BICD1: variants seen among roughly 807,000 people sequenced by gnomAD.
BICD1 encodes protein bicaudal D homolog 1.
Under a neutral mutation model 92.5 loss-of-function variants are expected in BICD1, and 35 were observed. The observed-to-expected ratio is 0.38, with a 90% confidence interval of 0.29 to 0.50. The LOEUF (loss-of-function observed/expected upper bound fraction) is 0.50. BICD1 is among the 20% of genes least tolerant of loss of function. The pLI is 0.93. For missense variants in BICD1, 950 were observed against 1,189.8 expected (o/e 0.80, Z 2.97); for synonymous variants, 429 against 465.1 (o/e 0.92, Z 1.00).
intron 1 of BICD1, among the ~76,000 whole-genome samples, chr12:32,113,943 C>T (rs1006734634): frequency 1.3e-5 from 2 of 152,018 alleles, no homozygotes; most frequent in Non-Finnish European, 2.9e-5. Context: ...GCAATCTCGG[C>T]TTACTGCAAC....
At chr12:32,358,332 C>G (rs1020285341) in intron 8 of BICD1, among the ~76,000 whole-genome samples, 1 of 151,926 alleles carries the variant, frequency 6.6e-6, no homozygotes, top group Non-Finnish European at 1.5e-5. Context: ...AACTCCTGAA[C>G]TGAAGCTATC....
At chr12:32,240,577 C>G (rs74936890) in intron 2 of BICD1, among the ~76,000 whole-genome samples, 7,345 of 152,236 alleles carry the variant, frequency 0.048, 296 homozygotes, top group East Asian at 0.21. Context: ...TTAGGGTCTA[C>G]CTTGCTAATT....
chr12:32,203,282 G>A (rs1944957561), intron 1 of BICD1, among the ~76,000 whole-genome samples: 1 of 152,192 alleles, frequency 6.6e-6, no homozygotes, highest in South Asian at 2.1e-4. Context: ...GACCTTGGAG[G>A]AGGGAAGGAT....
intron 3 of BICD1, among the ~76,000 whole-genome samples, chr12:32,296,044 G>C (rs1009846244): frequency 2.0e-5 from 3 of 151,976 alleles, no homozygotes; most frequent in Non-Finnish European, 4.4e-5. Flanking sequence ...ATCAAAAAAG[G>C]GCTACTGGAG....
chr12:32,316,593 G>A (rs11536026), intron 4 of BICD1, among the ~76,000 whole-genome samples: 29,387 of 151,914 alleles, frequency 0.19, 3,697 homozygotes, highest in East Asian at 0.58. Context: ...GAGCCAATGC[G>A]CCTGGCCATA....
intron 4 of BICD1, among the ~76,000 whole-genome samples, chr12:32,316,712 T>A (rs931229891): frequency 2.0e-5 from 3 of 152,136 alleles, no homozygotes; most frequent in African/African-American, 7.2e-5. Flanking sequence ...TTTTTAAAAT[T>A]TTATTATTAT....
intron 9 of BICD1, among the ~76,000 whole-genome samples, chr12:32,373,152 C>T (rs1407853797): frequency 6.6e-6 from 1 of 152,046 alleles, no homozygotes; most frequent in African/African-American, 2.4e-5. Context: ...CTAAACTTGC[C>T]ATTTACAACA....
intron 2 of BICD1, among the ~76,000 whole-genome samples, chr12:32,239,855 G>A (rs1592536824): frequency 3.3e-5 from 5 of 151,894 alleles, no homozygotes; most frequent in Admixed American, 3.3e-4. Context: ...TGATCTGCCC[G>A]CCTCATCCTC....
intron 1 of BICD1, among the ~76,000 whole-genome samples, chr12:32,212,494 G>A (rs540725580): frequency 3.9e-5 from 6 of 152,092 alleles, no homozygotes; most frequent in East Asian, 1.9e-4. Flanking sequence ...GCATGATCTC[G>A]GCTCACTGCA....
At chr12:32,215,731 C>T (rs977286245) in intron 1 of BICD1, among the ~76,000 whole-genome samples, 6 of 151,766 alleles carry the variant, frequency 4.0e-5, no homozygotes, top group Non-Finnish European at 7.4e-5. Context: ...GGGCGGATCA[C>T]AAGGTCAGGG....
intron 2 of BICD1, among the ~76,000 whole-genome samples, chr12:32,260,541 A>G (rs1387205616): frequency 6.6e-6 from 1 of 152,202 alleles, no homozygotes; most frequent in Non-Finnish European, 1.5e-5. Context: ...AGATATGCAT[A>G]TACATATACA....
At chr12:32,282,202 CTTTTTTTTTT>C (rs56217529) in intron 2 of BICD1, among the ~76,000 whole-genome samples, 4 of 94,230 alleles carry the variant, frequency 4.2e-5, no homozygotes, top group Non-Finnish European at 6.0e-5. Context: ...AGGTCTTCTT[CTTTTTTTTTT>C]TTTTTTTTTT....
At chr12:32,242,244 G>T (rs1214418481) in intron 2 of BICD1, among the ~76,000 whole-genome samples, 6 of 114,312 alleles carry the variant, frequency 5.2e-5, no homozygotes, top group African/African-American at 9.6e-5. Flanking sequence ...AAAAAAAAAA[G>T]GCCATATGCA....
At chr12:32,284,320 A>G (rs1302256277) in intron 2 of BICD1, among the ~76,000 whole-genome samples, 1 of 152,186 alleles carries the variant, frequency 6.6e-6, no homozygotes, top group Non-Finnish European at 1.5e-5. Flanking sequence ...TTTGACTATC[A>G]AAAGTAACAC....
Position 32,379,951 on chromosome 12 carries a change from T to C in BICD1, c.*2324T>C, listed in dbSNP as rs1369712824. On this transcript the variant is annotated 3_prime_UTR_variant, in exon 10 of 10. Coordinates refer to ENST00000652176, the MANE Select transcript of BICD1 (RefSeq NM_001714.4). ...ATCTAGGACTCCATGAAAAGCCGGG[T>C]CACCCACAAAACATTTCTTCCAATA... The C allele has an allele frequency of 6.6e-6, 1 of 152,188 alleles. No individual in the cohort carries two copies. The highest frequency in any genetic ancestry group is 2.4e-5 in the African/African-American group (1 of 41,450). 9.4% of individuals were successfully genotyped at this position (152,188 alleles called of 1,614,324 possible).
At chr12:32,283,764 A>G (rs988498070) in intron 2 of BICD1, among the ~76,000 whole-genome samples, 6 of 152,186 alleles carry the variant, frequency 3.9e-5, no homozygotes, top group Non-Finnish European at 8.8e-5. Flanking sequence ...TCATGTGGGT[A>G]CAGGAGCAGA....
chr12:32,318,809 G>A (rs536366354), intron 4 of BICD1, among the ~76,000 whole-genome samples: 41 of 152,232 alleles, frequency 2.7e-4, no homozygotes, highest in South Asian at 8.3e-4. Flanking sequence ...AGCTGAGATC[G>A]TGCCATCGCA....
At chr12:32,129,304 A>G (rs886398790) in intron 1 of BICD1, among the ~76,000 whole-genome samples, 4 of 150,904 alleles carry the variant, frequency 2.7e-5, no homozygotes, top group Admixed American at 6.6e-5. Context: ...CAGACGGATC[A>G]CCTGAGGTCA....
intron 9 of BICD1, among the ~76,000 whole-genome samples, chr12:32,370,254 G>C (rs1434991644): frequency 6.6e-6 from 1 of 151,676 alleles, no homozygotes; most frequent in Non-Finnish European, 1.5e-5. Flanking sequence ...GTAATCTCAG[G>C]TTCTCGGGAG....
Sources: gnomAD v4.1 joint callset for allele counts (sites outside exome capture counted in the v4.1 genomes callset) on GRCh38, gnomAD v4.1.1 for gene constraint, MANE v1.5 for transcripts, NCBI Gene and HGNC (gene_info 2026-07-23, HGNC 2026-07-21) for gene names.